The following S100A8 variants were observed in gnomAD, a reference collection of about 807,000 sequenced individuals.
S100A8 encodes S100 calcium binding protein A8.
S100A8 carries 1 observed loss-of-function variant against 4.2 expected under a neutral mutation model. That is an observed-to-expected ratio of 0.24 (90% CI 0.08 to 1.12). The LOEUF (loss-of-function observed/expected upper bound fraction) is 1.12. Among genes scored for constraint, S100A8 ranks in the 50% most tolerant of loss-of-function variants. The probability of loss-of-function intolerance (pLI) is 0.53; values close to 1 mark genes in which losing one functional copy is unlikely to be tolerated. For synonymous variants in S100A8, 41 were observed against 44.7 expected, an observed-to-expected ratio of 0.92 and a Z score of 0.33; for missense variants, 96 against 111.8, an observed-to-expected ratio of 0.86 and a Z score of 0.64.
At chr1:153,422,464 A>T in the S100A8 span, 1 of 954,892 alleles carries the variant, frequency 1.0e-6, no homozygotes, top group Non-Finnish European at 1.2e-6. Flanking sequence ...GCTACTGGAC[A>T]TTATATTGGT....
At chr1:153,412,091 A>G in the S100A8 span, among the ~76,000 whole-genome samples, 1 of 152,226 alleles carries the variant, frequency 6.6e-6, no homozygotes, top group Non-Finnish European at 1.5e-5. Context: ...TTCATGTCTA[A>G]AACACCAAAA....
At chr1:153,393,840 A>T (rs1449951387), upstream of S100A8, among the ~76,000 whole-genome samples, 2 of 152,234 alleles carry the variant, frequency 1.3e-5, no homozygotes, top group African/African-American at 4.8e-5. Context: ...CCTATTTGAC[A>T]GATGGGGAAA....
the S100A8 span, among the ~76,000 whole-genome samples, chr1:153,400,139 T>A: frequency 6.6e-6 from 1 of 152,126 alleles, no homozygotes; most frequent in Non-Finnish European, 1.5e-5. Flanking sequence ...CCACTACCCA[T>A]GGCCAGGGCA....
At chr1:153,419,872 T>A in the S100A8 span, 1 of 153,820 alleles carries the variant, frequency 6.5e-6, no homozygotes, top group African/African-American at 2.4e-5. Context: ...TGGGCTTCCT[T>A]GTCCTGTGGC....
the S100A8 span, among the ~76,000 whole-genome samples, chr1:153,411,686 C>T: frequency 1.3e-5 from 2 of 152,092 alleles, no homozygotes; most frequent in Admixed American, 6.5e-5. Flanking sequence ...CAATCCTAAG[C>T]CAAAAGAACA....
the S100A8 span, among the ~76,000 whole-genome samples, chr1:153,414,913 C>T: frequency 6.6e-6 from 1 of 152,320 alleles, no homozygotes; most frequent in South Asian, 2.1e-4. Flanking sequence ...TCCTCCTTCA[C>T]CCACCACCTG....
the S100A8 span, chr1:153,418,013 T>G: frequency 1.9e-6 from 3 of 1,600,500 alleles, no homozygotes; most frequent in Admixed American, 5.1e-5. Flanking sequence ...CACCCCCACA[T>G]AGAGACCTTA....
chr1:153,408,553 G>A, the S100A8 span, among the ~76,000 whole-genome samples: 1 of 152,190 alleles, frequency 6.6e-6, no homozygotes, highest in Non-Finnish European at 1.5e-5. Flanking sequence ...AAAACAGTCT[G>A]CAGGATATTA....
At chr1:153,411,195 TG>T in the S100A8 span, among the ~76,000 whole-genome samples, 18 of 152,218 alleles carry the variant, frequency 1.2e-4, no homozygotes, top group African/African-American at 4.3e-4. Context: ...AAATTGTCCC[TG>T]TTTGCAGATG....
At chr1:153,401,115 A>C in the S100A8 span, among the ~76,000 whole-genome samples, 1 of 152,354 alleles carries the variant, frequency 6.6e-6, no homozygotes, top group Admixed American at 6.5e-5. Flanking sequence ...CTTTTTGCTT[A>C]ATGTTATGCT....
At chr1:153,416,919 C>G in the S100A8 span, among the ~76,000 whole-genome samples, 1 of 152,360 alleles carries the variant, frequency 6.6e-6, no homozygotes, top group Middle Eastern at 3.4e-3. Context: ...CAGCTCTGCC[C>G]CCACAGAGGG....
At chr1:153,418,955 T>C in the S100A8 span, among the ~76,000 whole-genome samples, 26 of 152,078 alleles carry the variant, frequency 1.7e-4, no homozygotes, top group Non-Finnish European at 2.8e-4. Flanking sequence ...AAAAGTCTCC[T>C]TAGAGAACTC....
the S100A8 span, among the ~76,000 whole-genome samples, chr1:153,411,197 T>A: frequency 6.6e-6 from 1 of 152,202 alleles, no homozygotes; most frequent in Non-Finnish European, 1.5e-5. Context: ...ATTGTCCCTG[T>A]TTGCAGATGA....
the S100A8 span, among the ~76,000 whole-genome samples, chr1:153,400,651 G>A: frequency 1.3e-5 from 2 of 152,138 alleles, no homozygotes; most frequent in Admixed American, 6.5e-5. Flanking sequence ...CAAACAAGTG[G>A]TTCATCAATA....
At chr1:153,405,299 A>G in the S100A8 span, among the ~76,000 whole-genome samples, 703 of 150,178 alleles carry the variant, frequency 4.7e-3, 3 homozygotes, top group African/African-American at 0.016. Flanking sequence ...CAGAATTGAC[A>G]GTAAATCCTC....
rs779001718 is a variant in S100A8, at chr1:153,390,237, C to T, written c.148G>A (p.Gly50Ser). Residue 50 changes from glycine to serine, a missense_variant, in exon 3 of 3, where the codon GGT becomes AGT. Coordinates refer to ENST00000368733, the MANE Select transcript of S100A8 (RefSeq NM_002964.5). The part of the protein sequence containing the change: ...TECPQYIRKK[G>S]ADVWFKELDI... ...AACTCTTTGAACCAGACGTCTGCAC[C>T]CTTTTTCTGTCAAGATTGAGGAGGA... The T allele has an allele frequency of 1.9e-6, 3 of 1,610,102 alleles. No homozygotes were observed. Among genetic ancestry groups the T allele is most frequent in the Middle Eastern group, 1.7e-4 (1 of 6,038 alleles).
intron 1 of S100A8, 156 bp downstream of exon 1, chr1:153,390,885 C>A: frequency 2.1e-6 from 1 of 477,496 alleles, no homozygotes; most frequent in Non-Finnish European, 2.9e-6. Flanking sequence ...GGATACTCTC[C>A]TTCCTTATCC....
At chr1:153,409,066 C>T in the S100A8 span, among the ~76,000 whole-genome samples, 2 of 152,176 alleles carry the variant, frequency 1.3e-5, no homozygotes, top group Non-Finnish European at 2.9e-5. Flanking sequence ...GAAACTGCAT[C>T]AACTAACGAG....
the S100A8 span, chr1:153,419,296 G>A: frequency 6.2e-7 from 1 of 1,614,028 alleles, no homozygotes; most frequent in Non-Finnish European, 8.5e-7. Context: ...CCCTGTTCTG[G>A]GGGAAGCCAG....
Sources: allele counts gnomAD v4.1 joint callset (sites outside exome capture counted in the v4.1 genomes callset), GRCh38; gene constraint gnomAD v4.1.1; transcripts MANE v1.5; gene names NCBI Gene and HGNC (gene_info 2026-07-23, HGNC 2026-07-21).